The following AXIN1 variants were observed in gnomAD, a reference collection of about 807,000 sequenced individuals.
AXIN1 encodes axin-1.
A neutral mutation model predicts 76.4 loss-of-function variants in AXIN1; 30 were observed. The observed-to-expected ratio is 0.39, with a 90% CI of 0.29 to 0.53. AXIN1 has a LOEUF of 0.53. Ranked by LOEUF, AXIN1 falls within the 20% of genes least tolerant of loss-of-function variation. The pLI, the probability that AXIN1 is intolerant of heterozygous loss-of-function variation, is 0.66. For missense variants in AXIN1, 1,140 were observed against 1,198.8 expected, an observed-to-expected ratio of 0.95 and a Z score of 0.72; for synonymous variants, 545 against 501.4, an observed-to-expected ratio of 1.09 and a Z score of -1.16.
rs182809760 is a variant in AXIN1 at position 339,466 on chromosome 16, G to C, written c.878+6682C>G. On this transcript the variant is annotated intron_variant, in intron 2 of 10. Coordinates refer to ENST00000262320, the MANE Select transcript of AXIN1 (RefSeq NM_003502.4). ...GTGGAGCTTGCAGTGAGCCAAGATT[G>C]TGCCACTGCACTCCAGCCTTGGCGA... Among the ~76,000 whole-genome samples the C allele has an allele frequency of 4.2e-3, 615 of 147,632 alleles. 6 individuals carry two copies. The highest frequency in any genetic ancestry group is 0.014 in the South Asian group (67 of 4,670).
At chr16:297,307 T>C (rs2141505379) in intron 6 of AXIN1, 81 bp from the exon 7 acceptor site, 2 of 1,575,880 alleles carry the variant, frequency 1.3e-6, no homozygotes, top group Non-Finnish European at 1.7e-6. Context: ...GGCCCCCTCC[T>C]GGCATCTGTA....
chr16:318,481 CCTCAGCA>C (rs1456263756), intron 2 of AXIN1, among the ~76,000 whole-genome samples: 2 of 152,182 alleles, frequency 1.3e-5, no homozygotes, highest in Non-Finnish European at 2.9e-5. Flanking sequence ...CAGGATCTGC[CCTCAGCA>C]CTCAGATGGC....
intron 1 of AXIN1, among the ~76,000 whole-genome samples, chr16:348,551 G>A (rs992342366): frequency 6.6e-6 from 1 of 152,212 alleles, no homozygotes; most frequent in African/African-American, 2.4e-5. Flanking sequence ...TGTAGTCCCA[G>A]CTACTCAGGA....
At chr16:306,474 C>T (rs79726110) in intron 4 of AXIN1, among the ~76,000 whole-genome samples, 2,328 of 152,294 alleles carry the variant, frequency 0.015, 61 homozygotes, top group African/African-American at 0.053. Context: ...TGGGACCCTC[C>T]GTGTGTGTGG....
chr16:292,120 G>C (rs1206155890), intron 8 of AXIN1: 1 of 346 alleles, frequency 2.9e-3, no homozygotes, highest in Non-Finnish European at 3.8e-3. Flanking sequence ...GCCCAGCAAG[G>C]ATGGCTCAGG....
chr16:333,428 C>T (rs1226652111), intron 2 of AXIN1, among the ~76,000 whole-genome samples: 1 of 147,010 alleles, frequency 6.8e-6, no homozygotes, highest in Non-Finnish European at 1.5e-5. Context: ...TTTCCAGACT[C>T]GCCTCAGAAA....
chr16:291,454 G>A (rs865997989), intron 8 of AXIN1, 157 bp from the exon 9 acceptor site: 31 of 691,400 alleles, frequency 4.5e-5, no homozygotes, highest in Middle Eastern at 3.8e-4. Context: ...ACAAGACACC[G>A]AGTCCCCTCC....
In AXIN1 at chr16:293,364, A is replaced by C; in HGVS notation, c.2186+124T>G. On this transcript the variant is annotated intron_variant, in intron 8 of 10. Transcript: ENST00000262320. This position sits in a 1 kb window ranked among gnomAD's most constrained non-coding sequence, Gnocchi z 4.6. ...TTCTCAGTGGATGGAAGGGCCCAGT[A>C]TGGCTGGGGGACACCCAGAGGGCCG... 1.0e-6 allele frequency: 1 copy of C among 964,134 alleles called. No homozygotes were observed. Among genetic ancestry groups the C allele is most frequent in the Non-Finnish European group, 1.6e-6 (1 of 641,708 alleles). The allele number at this position is 964,134 out of a possible 1,614,324, so 59.7% of individuals were successfully genotyped here.
At chr16:327,086 G>A (rs2141644589) in intron 2 of AXIN1, among the ~76,000 whole-genome samples, 1 of 151,952 alleles carries the variant, frequency 6.6e-6, no homozygotes, top group South Asian at 2.1e-4. Flanking sequence ...AGCTTGCAGT[G>A]AGCCGAGATC....
At chr16:304,234 C>G (rs2141544025) in intron 5 of AXIN1, 70 bp downstream of exon 5, 3 of 1,597,994 alleles carry the variant, frequency 1.9e-6, no homozygotes, top group Middle Eastern at 2.2e-4. Context: ...TGAAGAACAT[C>G]AGGACATCCC....
At chr16:342,559 C>T (rs890558833) in intron 2 of AXIN1, among the ~76,000 whole-genome samples, 2 of 152,220 alleles carry the variant, frequency 1.3e-5, no homozygotes, top group Non-Finnish European at 2.9e-5. Flanking sequence ...CCCCAGCTCC[C>T]CACTGGGGAG....
rs771565657 is a variant in AXIN1, at chr16:291,249, C to G, written c.2235G>C (p.Ala745=). Residue 745 remains alanine (A), a synonymous_variant, in exon 9 of 11, where the codon GCG becomes GCC. Coordinates refer to ENST00000262320, the MANE Select transcript of AXIN1 (RefSeq NM_003502.4). ...GTACCACGTGCAGCACCGGCGCGCA[C>G]GCTGGCCTGACGCAGGCGCGTCCCC... is the stretch of plus-strand genomic sequence containing the variant. ...MRRGRACVRP[A]CAPVLHVVPA... 1 of 1,586,360 alleles carries G rather than the reference C, an allele frequency of 6.3e-7. No homozygotes were observed. Among genetic ancestry groups the G allele is most frequent in the Non-Finnish European group, 8.6e-7 (1 of 1,167,396 alleles).
At position 326,441 on chromosome 16, in the gene AXIN1, A is replaced by G. The variant is rs894734798; in HGVS notation, c.879-11758T>C. ...CTACCTTTGCACCCAAAGGTCACAA[A>G]GTTTATACTAAAAAATGTGATTGAG... On this transcript the variant is annotated intron_variant, in intron 2 of 10. Coordinates refer to ENST00000262320, the MANE Select transcript of AXIN1 (RefSeq NM_003502.4). Among the ~76,000 whole-genome samples, 8 of 148,940 alleles carry G rather than the reference A, an allele frequency of 5.4e-5. 1 individual carries two copies. Among genetic ancestry groups the G allele is most frequent in the African/African-American group, 1.5e-4 (6 of 40,396 alleles).
rs566966451 is a variant in AXIN1 at position 293,009 on chromosome 16, G to A, written c.2186+479C>T. ...GGGCTGTGGGCTGGACGTCCAGGAC[G>A]ACACTTCTACATCTGCACGGCTTTC... On this transcript the variant is annotated intron_variant, in intron 8 of 10. Transcript: ENST00000262320. The surrounding 1 kb of genome is among the most constrained non-coding windows in gnomAD (Gnocchi z 4.6). 4.0e-5 allele frequency: 7 copies of A among 174,564 alleles called. No individual in the cohort carries two copies. Among genetic ancestry groups the A allele is most frequent in the East Asian group, 1.5e-4 (1 of 6,716 alleles). The allele number at this position is 174,564 out of a possible 1,614,324, so 10.8% of individuals were successfully genotyped here.
chr16:311,114 G>GCC (rs1567278489), intron 3 of AXIN1, among the ~76,000 whole-genome samples: 2 of 151,902 alleles, frequency 1.3e-5, no homozygotes, highest in Admixed American at 1.3e-4. Context: ...ATCACTGCAA[G>GCC]CCGCTCCCGG....
chr16:309,957 C>G lies in AXIN1; in HGVS notation c.1116+16G>C, dbSNP rs1048146513. 1.9e-6 allele frequency: 3 copies of G among 1,612,536 alleles called. No homozygotes were observed. Among genetic ancestry groups the G allele is most frequent in the Non-Finnish European group, 2.5e-6 (3 of 1,179,446 alleles). On this transcript the variant is annotated intron_variant, in intron 4 of 10. Coordinates refer to ENST00000262320, the MANE Select transcript of AXIN1 (RefSeq NM_003502.4). ...GGGGAGGACGATGGGCTGAGGACCG[C>G]AAAGCCGGTACTTACGGGAATGTGA...
intron 2 of AXIN1, among the ~76,000 whole-genome samples, chr16:330,139 C>T (rs558641376): frequency 1.3e-3 from 201 of 151,116 alleles, no homozygotes; most frequent in South Asian, 2.7e-3. Context: ...CAGCTCACTG[C>T]AGCCTCAACC....
At chr16:339,648 C>T (rs2053876550) in intron 2 of AXIN1, among the ~76,000 whole-genome samples, 1 of 151,910 alleles carries the variant, frequency 6.6e-6, no homozygotes, top group African/African-American at 2.4e-5. Flanking sequence ...TGCCACTGCA[C>T]TCCAACCTGT....
At chr16:303,014 A>G (rs1451329704) in intron 5 of AXIN1, among the ~76,000 whole-genome samples, 6 of 152,144 alleles carry the variant, frequency 3.9e-5, no homozygotes, top group African/African-American at 1.4e-4. Flanking sequence ...GGTGTGTGCC[A>G]CCACGCCCAG....
Sources: gnomAD v4.1 joint callset for allele counts (sites outside exome capture counted in the v4.1 genomes callset) on GRCh38, gnomAD v4.1.1 for gene constraint, Gnocchi (gnomAD v3.1) non-coding constraint, MANE v1.5 for transcripts, NCBI Gene and HGNC (gene_info 2026-07-23, HGNC 2026-07-21) for gene names.